Variants in WDR64 observed in about 807,000 individuals in gnomAD.
WDR64 encodes WD repeat domain 64.
In WDR64, 112 loss-of-function variants were observed where a neutral mutation model predicts 139.3. The observed-to-expected ratio is 0.80, with a 90% CI of 0.69 to 0.94. The LOEUF (loss-of-function observed/expected upper bound fraction) is 0.94, where lower values mean the gene tolerates loss of function less well. Among genes scored for constraint, WDR64 ranks in the 40% least tolerant of loss-of-function variants. The pLI is 0.00. For missense variants in WDR64, 1,206 were observed against 1,293.1 expected, an observed-to-expected ratio of 0.93 and a Z score of 1.03; for synonymous variants, 444 against 437.7, an observed-to-expected ratio of 1.01 and a Z score of -0.18.
chr1:241,784,609 T>G (rs367557998), intron 23 of WDR64, among the ~76,000 whole-genome samples: 33 of 152,268 alleles, frequency 2.2e-4, no homozygotes, highest in African/African-American at 7.5e-4. Context: ...GATGAATCTT[T>G]GGGAGTAAGG....
At chr1:241,752,053 C>A (rs1220992095) in intron 14 of WDR64, among the ~76,000 whole-genome samples, 1 of 152,194 alleles carries the variant, frequency 6.6e-6, no homozygotes, top group Non-Finnish European at 1.5e-5. Context: ...ATTCTAAAGA[C>A]CCACTTACTT....
At chr1:241,787,695 A>T (rs1228598225) in intron 23 of WDR64, among the ~76,000 whole-genome samples, 154 bp from the exon 24 acceptor site, 3 of 151,660 alleles carry the variant, frequency 2.0e-5, no homozygotes, top group Non-Finnish European at 4.4e-5. Flanking sequence ...TTACATTATG[A>T]TTAGCTCCAC....
chr1:241,713,506 AAAG>A (rs1668274865), intron 9 of WDR64, among the ~76,000 whole-genome samples: 1 of 121,070 alleles, frequency 8.3e-6, no homozygotes, highest in Non-Finnish European at 1.7e-5. Flanking sequence ...CGGAAAGAAA[AAAG>A]AAAGAAAGAA....
At position 241,752,878 on chromosome 1, in the gene WDR64, C is replaced by T. The variant is rs181255741; in HGVS notation, c.1770+3156C>T. On this transcript the variant is annotated intron_variant, in intron 14 of 27. Coordinates refer to ENST00000437684, the MANE Select transcript of WDR64 (RefSeq NM_001367482.1). ...AAAGACACACACACAAAAAACAAAC[C>T]ACTGTCAATAACTCATACCACCAGG... Among the ~76,000 whole-genome samples, 10 of 152,178 alleles carry T rather than the reference C, an allele frequency of 6.6e-5. No homozygotes were observed. The East Asian group carries it at 1.7e-3, about 27-fold the overall frequency.
chr1:241,685,851 C>G (rs1055712798), intron 7 of WDR64, among the ~76,000 whole-genome samples: 7 of 152,174 alleles, frequency 4.6e-5, no homozygotes, highest in African/African-American at 1.4e-4. Flanking sequence ...TACTATTAAG[C>G]ATTTCATTCT....
intron 23 of WDR64, among the ~76,000 whole-genome samples, chr1:241,786,567 G>C (rs1659043631): frequency 6.6e-6 from 1 of 152,148 alleles, no homozygotes; most frequent in Non-Finnish European, 1.5e-5. Context: ...TCCTCTTTCA[G>C]AACTCAGTTG....
At chr1:241,771,915 CATAT>C (rs1191384984) in intron 19 of WDR64, among the ~76,000 whole-genome samples, 1 of 109,434 alleles carries the variant, frequency 9.1e-6, no homozygotes, top group Admixed American at 1.1e-4. Context: ...CACACATATA[CATAT>C]ATACATACAT....
At chr1:241,732,427 T>C (rs905378899) in intron 10 of WDR64, among the ~76,000 whole-genome samples, 1 of 152,172 alleles carries the variant, frequency 6.6e-6, no homozygotes, top group Admixed American at 6.6e-5. Context: ...ATTTTGTAAT[T>C]ATTTGATGTA....
At chr1:241,771,727 A>T in intron 19 of WDR64, 30 bp downstream of exon 19, 1 of 1,406,474 alleles carries the variant, frequency 7.1e-7, no homozygotes. Context: ...TCTTCTTTAT[A>T]ATAAAGCAAC....
At position 241,801,911 on chromosome 1, in the gene WDR64, G is replaced by A. The variant is rs963106820; in HGVS notation, c.*696G>A. 2.5e-5 allele frequency: 10 copies of A among 397,736 alleles called. No homozygotes were observed. Among genetic ancestry groups the A allele is most frequent in the African/African-American group, 1.9e-4 (9 of 48,518 alleles). 24.6% of individuals were successfully genotyped at this position (397,736 alleles called of 1,614,324 possible). On this transcript the variant is annotated 3_prime_UTR_variant, in exon 28 of 28. Transcript: ENST00000437684. The stretch of plus-strand genomic sequence containing the variant: ...AGTATGCAAGTTTAAAAGGTTGTCA[G>A]AATGGATTAAAAAAACAAAATCCAA...
intron 23 of WDR64, among the ~76,000 whole-genome samples, chr1:241,784,517 C>T (rs1197621978): frequency 6.6e-6 from 1 of 152,120 alleles, no homozygotes; most frequent in Non-Finnish European, 1.5e-5. Flanking sequence ...AATGTTAGAA[C>T]CACTCATTAA....
At chr1:241,785,100 A>G (rs1190381648) in intron 23 of WDR64, among the ~76,000 whole-genome samples, 1 of 152,140 alleles carries the variant, frequency 6.6e-6, no homozygotes, top group Admixed American at 6.6e-5. Flanking sequence ...ACCTATGAGC[A>G]GAAGTGTTCA....
rs1443279774 is a variant in WDR64, at chr1:241,749,587, G to A, written c.1635G>A (p.Met545Ile). 2 of 1,614,044 alleles carry A rather than the reference G, an allele frequency of 1.2e-6. No individual in the cohort carries two copies. The highest frequency in any genetic ancestry group is 2.7e-5 in the African/African-American group (2 of 74,930). Reference protein sequence around the residue: ...RIWDFGSGQEMKVLPEGKDWK... With the variant: ...RIWDFGSGQEIKVLPEGKDWK... ...GGGACTTTGGCAGTGGGCAGGAGAT[G>A]AAGGTGTTGCCGGAGGGGAAAGACT... The change falls in exon 14 of 28, where the codon ATG becomes ATA. Residue 545 changes from methionine to isoleucine, a missense_variant. Met to Ile is a conservative substitution (Grantham distance 10, BLOSUM62 1). Coordinates refer to ENST00000437684, the MANE Select transcript of WDR64 (RefSeq NM_001367482.1).
chr1:241,696,456 G>T (rs1667490391), intron 8 of WDR64, among the ~76,000 whole-genome samples: 1 of 152,102 alleles, frequency 6.6e-6, no homozygotes, highest in South Asian at 2.1e-4. Context: ...TAAAAGAATG[G>T]CTACTCCATA....
Position 241,687,547 on chromosome 1 carries a change from G to T in WDR64, c.926G>T (p.Ser309Ile). 1 of 1,613,654 alleles carries T rather than the reference G, an allele frequency of 6.2e-7. No individual in the cohort carries two copies. The highest frequency in any genetic ancestry group is 8.5e-7 in the Non-Finnish European group (1 of 1,179,730). Reference protein sequence around the residue: ...LNCFGSCSLDSNHSLVLESLK... With the variant: ...LNCFGSCSLDINHSLVLESLK... ...TGTTTTGGATCCTGCTCCTTAGACA[G>T]TAATCATTCATTAGTTTTGGAATCC... Residue 309 changes from serine to isoleucine, a missense_variant, in exon 8 of 28, where the codon AGT becomes ATT. Transcript: ENST00000437684.
At chr1:241,789,153 G>A (rs575933021) in intron 24 of WDR64, among the ~76,000 whole-genome samples, 3 of 152,204 alleles carry the variant, frequency 2.0e-5, no homozygotes, top group South Asian at 4.1e-4. Context: ...AGAGGGAGCA[G>A]ATGTGAATGG....
chr1:241,745,131 C>T (rs766026982), intron 13 of WDR64, among the ~76,000 whole-genome samples: 3 of 152,120 alleles, frequency 2.0e-5, no homozygotes, highest in East Asian at 1.9e-4. Flanking sequence ...ACCCCACTCA[C>T]GACATACTAA....
At chr1:241,671,729 C>T (rs987593182) in intron 3 of WDR64, among the ~76,000 whole-genome samples, 1 of 152,150 alleles carries the variant, frequency 6.6e-6, no homozygotes, top group Non-Finnish European at 1.5e-5. Flanking sequence ...CCATCCCTCT[C>T]CACTCTTAAC....
At chr1:241,707,718 A>G (rs1668005964) in intron 8 of WDR64, among the ~76,000 whole-genome samples, 1 of 152,164 alleles carries the variant, frequency 6.6e-6, no homozygotes, top group Admixed American at 6.5e-5. Flanking sequence ...CGCCATCCAC[A>G]AAGGCTGCAC....
Sources: allele counts gnomAD v4.1 joint callset (sites outside exome capture counted in the v4.1 genomes callset), GRCh38; gene constraint gnomAD v4.1.1; transcripts MANE v1.5; gene names NCBI Gene and HGNC (gene_info 2026-07-23, HGNC 2026-07-21).